Variants in HGD observed in about 807,000 individuals in gnomAD.
HGD encodes homogentisate 1,2-dioxygenase.
In HGD, 61 loss-of-function variants were observed where a neutral mutation model predicts 60.8. That is an observed-to-expected ratio of 1.00 (90% CI 0.82 to 1.24). The LOEUF (loss-of-function observed/expected upper bound fraction) is 1.24, where lower values mean the gene tolerates loss of function less well. Among genes scored for constraint, HGD ranks in the 50% most tolerant of loss-of-function variants. The pLI, the probability that HGD is intolerant of heterozygous loss-of-function variation, is 0.00. For synonymous variants in HGD, 212 were observed against 187.7 expected (o/e 1.13, Z -1.06); for missense variants, 542 against 547.1 (o/e 0.99, Z 0.09).
intron 13 of HGD, 113 bp from the exon 14 acceptor site, chr3:120,628,642 A>T: frequency 1.1e-5 from 13 of 1,238,088 alleles, no homozygotes; most frequent in Non-Finnish European, 1.3e-5. Flanking sequence ...TAACAAATCA[A>T]AGATTTGTGT....
chr3:120,643,050 G>A (rs146637244), intron 10 of HGD, among the ~76,000 whole-genome samples: 3,231 of 152,278 alleles, frequency 0.021, 50 homozygotes, highest in Middle Eastern at 0.041. Flanking sequence ...TGGGGAACAT[G>A]CTTAAAATGA....
chr3:120,633,862 T>C (rs1000691659), intron 12 of HGD, among the ~76,000 whole-genome samples: 4 of 152,190 alleles, frequency 2.6e-5, no homozygotes, highest in Admixed American at 6.5e-5. Context: ...AAGTCCATTA[T>C]CAAATGATAA....
At chr3:120,641,468 T>C in intron 11 of HGD, 121 bp downstream of exon 11, 1 of 759,948 alleles carries the variant, frequency 1.3e-6, no homozygotes, top group Non-Finnish European at 2.4e-6. Context: ...CAAATGACTA[T>C]ATCTAGGGCT....
At chr3:120,633,046 G>T in intron 13 of HGD, 101 bp downstream of exon 13, 1 of 1,024,066 alleles carries the variant, frequency 9.8e-7, no homozygotes, top group Admixed American at 2.0e-5. Context: ...TCCCTCTTTT[G>T]ACTCTTCCTC....
At position 120,670,590 on chromosome 3, in the gene HGD, C is replaced by T; in HGVS notation, c.177-58G>A. 5.3e-6 allele frequency: 5 copies of T among 951,288 alleles called. No individual in the cohort carries two copies. The South Asian group carries it at 6.4e-5, about 12-fold the overall frequency. The allele number at this position is 951,288 out of a possible 1,614,324, so 58.9% of individuals were successfully genotyped here. ...TTAGAGTAATGTTCTGAGTGATACACAGAATGGCTCAGGCAGTACCATCAG... is the reference window on the plus strand; with the variant it reads ...TTAGAGTAATGTTCTGAGTGATACATAGAATGGCTCAGGCAGTACCATCAG... On this transcript the variant is annotated intron_variant, in intron 3 of 13. Transcript: ENST00000283871.
intron 7 of HGD, among the ~76,000 whole-genome samples, chr3:120,647,454 C>T (rs1192043030): frequency 6.6e-6 from 1 of 152,262 alleles, no homozygotes; most frequent in South Asian, 2.1e-4. Flanking sequence ...AATAGGCAGA[C>T]CAGAACAATC....
intron 12 of HGD, among the ~76,000 whole-genome samples, chr3:120,635,476 C>CAAAAA (rs149923580): frequency 1.1e-4 from 7 of 64,414 alleles, no homozygotes; most frequent in Non-Finnish European, 1.4e-4. Context: ...GATTCCGTCT[C>CAAAAA]AAAAAAAAAA....
intron 13 of HGD, among the ~76,000 whole-genome samples, chr3:120,632,621 T>A (rs1940625868): frequency 6.6e-6 from 1 of 152,210 alleles, no homozygotes; most frequent in South Asian, 2.1e-4. Flanking sequence ...AAACACGTGC[T>A]GAAGGTGAGA....
rs1467723594 is a variant in HGD, at chr3:120,628,220, G to A, written c.*160C>T. 4 of 761,954 alleles carry A rather than the reference G, an allele frequency of 5.2e-6. No individual in the cohort carries two copies. The East Asian group carries it at 1.0e-4, about 19-fold the overall frequency. The allele number at this position is 761,954 out of a possible 1,614,324, so 47.2% of individuals were successfully genotyped here. A position where few individuals can be genotyped will look rare whatever the true frequency, so the allele number is the denominator to read the frequency against. ...TTGAGTAATTAAGGTGACAGCCATA[G>A]AACTTTGCAAATGCGTTTCCATAAA... is the stretch of plus-strand genomic sequence containing the variant. On this transcript the variant is annotated 3_prime_UTR_variant, in exon 14 of 14. Coordinates refer to ENST00000283871, the MANE Select transcript of HGD (RefSeq NM_000187.4).
intron 6 of HGD, among the ~76,000 whole-genome samples, chr3:120,648,195 C>T (rs1483015261): frequency 6.6e-6 from 1 of 152,168 alleles, no homozygotes; most frequent in African/African-American, 2.4e-5. Flanking sequence ...TTTGAAGAAT[C>T]AGCAAAGGCT....
intron 13 of HGD, among the ~76,000 whole-genome samples, chr3:120,632,926 G>C (rs1406204360): frequency 1.3e-5 from 2 of 152,126 alleles, no homozygotes. Flanking sequence ...CAGAACCCAG[G>C]TCTGACTCCA....
chr3:120,638,011 T>C (rs1940837193), intron 12 of HGD, among the ~76,000 whole-genome samples: 1 of 152,196 alleles, frequency 6.6e-6, no homozygotes, highest in Admixed American at 6.5e-5. Context: ...GAGTGAGTTC[T>C]CACTCTATGA....
At chr3:120,630,941 G>A (rs1166223170) in intron 13 of HGD, among the ~76,000 whole-genome samples, 4 of 150,590 alleles carry the variant, frequency 2.7e-5, no homozygotes, top group Non-Finnish European at 5.9e-5. Context: ...GGAACACGAC[G>A]GAGCTGGAGG....
intron 10 of HGD, chr3:120,641,923 T>G: frequency 1.8e-6 from 1 of 545,798 alleles, no homozygotes; most frequent in South Asian, 2.0e-5. Flanking sequence ...GCAGCTGCCT[T>G]CTGATCACAC....
Position 120,646,284 on chromosome 3 carries a change from G to A in HGD, c.632C>T (p.Pro211Leu). 6.2e-7 allele frequency: 1 copy of A among 1,609,822 alleles called. No individual in the cohort carries two copies. Among genetic ancestry groups the A allele is most frequent in the African/African-American group, 1.3e-5 (1 of 74,914 alleles). The change falls in exon 9 of 14, where the codon CCT (proline) becomes CTT (leucine). Residue 211 changes from proline to leucine, a missense_variant. This residue lies in a region of HGD where 537 missense variants were observed against 529.1 expected (regional missense o/e 1.01). Transcript: ENST00000283871. ...AGATTTACCAATTGGTCCAAGGTCA[G>A]GTAACTCAAAGTGGACACCATAGAC... ...LEVYGVHFEL[P>L]DLGPIGANGL...
At chr3:120,662,512 T>A (rs1049048096) in intron 4 of HGD, among the ~76,000 whole-genome samples, 23 of 152,080 alleles carry the variant, frequency 1.5e-4, no homozygotes, top group Non-Finnish European at 4.4e-5. Flanking sequence ...TGAACTGGGA[T>A]CTCTGGGGAG....
intron 10 of HGD, among the ~76,000 whole-genome samples, chr3:120,642,354 G>T (rs1311681419): frequency 6.6e-6 from 1 of 152,176 alleles, no homozygotes; most frequent in African/African-American, 2.4e-5. Context: ...TAACTGGAAT[G>T]ACTAGAAATG....
chr3:120,654,894 A>C (rs1474952271), intron 4 of HGD, among the ~76,000 whole-genome samples: 1 of 152,154 alleles, frequency 6.6e-6, no homozygotes, highest in Non-Finnish European at 1.5e-5. Flanking sequence ...AACATAGTGA[A>C]ACCCCATCTC....
intron 4 of HGD, among the ~76,000 whole-genome samples, chr3:120,668,027 C>T (rs1171639647): frequency 6.6e-6 from 1 of 152,066 alleles, no homozygotes; most frequent in Non-Finnish European, 1.5e-5. Flanking sequence ...AATGCCTCGT[C>T]TGTGTCCCTT....
Sources: allele counts gnomAD v4.1 joint callset (sites outside exome capture counted in the v4.1 genomes callset), GRCh38; gene constraint gnomAD v4.1.1; regional missense constraint gnomAD v4.1.1; transcripts MANE v1.5; gene names NCBI Gene and HGNC (gene_info 2026-07-23, HGNC 2026-07-21).